ESCO1: variants seen among roughly 807,000 people sequenced by gnomAD.
ESCO1 encodes N-acetyltransferase ESCO1.
ESCO1 carries 33 observed loss-of-function variants against 83.5 expected under a neutral mutation model. That is an observed-to-expected ratio of 0.40 (90% confidence interval 0.30 to 0.53). The LOEUF (loss-of-function observed/expected upper bound fraction) is 0.53. Ranked by LOEUF, ESCO1 falls within the 20% of genes least tolerant of loss-of-function variation. The pLI is 0.63. For synonymous variants in ESCO1, 332 were observed against 324.3 expected (o/e 1.02, Z -0.25); for missense variants, 855 against 968.0 (o/e 0.88, Z 1.55).
intron 9 of ESCO1, among the ~76,000 whole-genome samples, chr18:21,539,661 C>T (rs1386501776): frequency 1.3e-5 from 2 of 152,022 alleles, no homozygotes; most frequent in African/African-American, 4.8e-5. Flanking sequence ...GCCAGCCTGG[C>T]CAATATGGTG....
intron 9 of ESCO1, among the ~76,000 whole-genome samples, chr18:21,538,496 A>G (rs758466891): frequency 8.5e-5 from 13 of 152,180 alleles, no homozygotes; most frequent in Non-Finnish European, 1.8e-4. Context: ...ACTGTTGTCT[A>G]TTCTGTTAGG....
intron 1 of ESCO1, among the ~76,000 whole-genome samples, chr18:21,598,177 A>G (rs2038791689): frequency 6.6e-6 from 1 of 152,212 alleles, no homozygotes; most frequent in African/African-American, 2.4e-5. Context: ...AAAAGTCATG[A>G]AAAAATATTT....
chr18:21,530,660 A>G (rs2037756639), intron 11 of ESCO1, among the ~76,000 whole-genome samples, 170 bp from the exon 12 acceptor site: 1 of 152,218 alleles, frequency 6.6e-6, no homozygotes, highest in Non-Finnish European at 1.5e-5. Flanking sequence ...CATCTATAAT[A>G]TCAATAACCT....
chr18:21,579,728 C>T (rs759423921), intron 2 of ESCO1, among the ~76,000 whole-genome samples: 12 of 150,038 alleles, frequency 8.0e-5, no homozygotes, highest in African/African-American at 1.7e-4. Context: ...GCCGACATCA[C>T]GCCACTCACT....
chr18:21,569,856 G>GA (rs750058923), intron 4 of ESCO1, among the ~76,000 whole-genome samples: 1 of 151,852 alleles, frequency 6.6e-6, no homozygotes, highest in South Asian at 2.1e-4. Context: ...TCTCAAAAAA[G>GA]AAAAAAATAC....
At position 21,529,484 on chromosome 18, in the gene ESCO1, A is replaced by G. The variant is rs2037739495; in HGVS notation, c.*859T>C. 1 of 152,234 alleles carries G rather than the reference A, an allele frequency of 6.6e-6. No individual in the cohort carries two copies. Among genetic ancestry groups the G allele is most frequent in the Admixed American group, 6.5e-5 (1 of 15,280 alleles). 9.4% of individuals were successfully genotyped at this position (152,234 alleles called of 1,614,324 possible). On this transcript the variant is annotated 3_prime_UTR_variant, in exon 12 of 12. Coordinates refer to ENST00000269214, the MANE Select transcript of ESCO1 (RefSeq NM_052911.3). ...ATACTCAGTGCAGTATTTCTGAGGA[A>G]TAACAAAGCAGATACCGAGTCATCC...
At chr18:21,530,904 G>T (rs1445464593) in intron 11 of ESCO1, among the ~76,000 whole-genome samples, 2 of 152,032 alleles carry the variant, frequency 1.3e-5, no homozygotes, top group Non-Finnish European at 2.9e-5. Flanking sequence ...ATGAGGAAAA[G>T]AAATAAAAAT....
At chr18:21,533,266 C>G (rs1232881563) in intron 10 of ESCO1, among the ~76,000 whole-genome samples, 1 of 151,866 alleles carries the variant, frequency 6.6e-6, no homozygotes, top group Non-Finnish European at 1.5e-5. Context: ...CTCTGCCAGT[C>G]TAGCTGCCAA....
intron 1 of ESCO1, among the ~76,000 whole-genome samples, chr18:21,592,025 T>G (rs2038677843): frequency 6.6e-6 from 1 of 151,864 alleles, no homozygotes; most frequent in African/African-American, 2.4e-5. Flanking sequence ...GGCAGAAGAA[T>G]TTTTCTTAGT....
chr18:21,556,674 C>T (rs1351468927), intron 8 of ESCO1, among the ~76,000 whole-genome samples: 3 of 152,078 alleles, frequency 2.0e-5, no homozygotes, highest in Non-Finnish European at 2.9e-5. Context: ...CAGCACAGCT[C>T]TGTAGCCAAT....
In ESCO1 at chr18:21,564,310, G is replaced by T. The variant is rs767012173; in HGVS notation, c.1714C>A (p.Pro572Thr). The T allele has an allele frequency of 1.9e-6, 3 of 1,599,116 alleles. No individual in the cohort carries two copies. In the Admixed American group the frequency reaches 5.1e-5, roughly 27 times the overall value. ...CACTTAGGCAAAGAATGATTTCGTGGTGTCTCCCTTAAAAAAAATAAAATT... is the reference window on the plus strand; with the variant it reads ...CACTTAGGCAAAGAATGATTTCGTGTTGTCTCCCTTAAAAAAAATAAAATT... ...TSKSSDNRET[P>T]RNHSLPKCNS... Residue 572 changes from proline to threonine, a missense_variant, in exon 7 of 12, where the codon CCA (proline) becomes ACA (threonine). Around this residue, in one of 2 missense-constraint regions of ESCO1, gnomAD observed 726 missense variants for 699.5 expected, o/e 1.04. Coordinates refer to ENST00000269214, the MANE Select transcript of ESCO1 (RefSeq NM_052911.3).
intron 1 of ESCO1, among the ~76,000 whole-genome samples, chr18:21,600,367 A>C (rs951148917): frequency 1.3e-4 from 20 of 152,262 alleles, no homozygotes; most frequent in Admixed American, 2.6e-4. Flanking sequence ...ACCGCCCAGC[A>C]AACAGCGGCA....
intron 1 of ESCO1, among the ~76,000 whole-genome samples, chr18:21,593,966 T>C (rs2038723800): frequency 6.6e-6 from 1 of 152,198 alleles, no homozygotes; most frequent in Non-Finnish European, 1.5e-5. Context: ...CTCACCACTA[T>C]TAACATTTTG....
At chr18:21,545,587 A>T (rs2037963480) in intron 8 of ESCO1, among the ~76,000 whole-genome samples, 1 of 151,690 alleles carries the variant, frequency 6.6e-6, no homozygotes, top group African/African-American at 2.4e-5. Context: ...AAAAAAAAAA[A>T]ATTTACTAAA....
chr18:21,595,831 G>A (rs989710401), intron 1 of ESCO1, among the ~76,000 whole-genome samples: 6 of 151,752 alleles, frequency 4.0e-5, no homozygotes, highest in East Asian at 1.9e-4. Flanking sequence ...GGGCATGGTG[G>A]CGGGCGCCTG....
intron 4 of ESCO1, among the ~76,000 whole-genome samples, chr18:21,570,744 C>T (rs953046549): frequency 1.3e-5 from 2 of 151,802 alleles, no homozygotes; most frequent in African/African-American, 4.8e-5. Context: ...TTTGGGAGGC[C>T]GAGTTGGGAG....
At chr18:21,580,951 T>C (rs1490728576) in intron 2 of ESCO1, among the ~76,000 whole-genome samples, 1 of 151,942 alleles carries the variant, frequency 6.6e-6, no homozygotes. Flanking sequence ...GATCGCGCCA[T>C]TGCACTCCAG....
At chr18:21,559,612 C>T (rs1195280602) in intron 8 of ESCO1, among the ~76,000 whole-genome samples, 1 of 152,142 alleles carries the variant, frequency 6.6e-6, no homozygotes, top group Non-Finnish European at 1.5e-5. Flanking sequence ...ACTTCCTCTA[C>T]GAGGTTTGTA....
intron 2 of ESCO1, among the ~76,000 whole-genome samples, chr18:21,580,685 A>AT (rs963062389): frequency 6.6e-6 from 1 of 152,180 alleles, no homozygotes; most frequent in Admixed American, 6.5e-5. Flanking sequence ...GTTTAAAGGA[A>AT]TTTTTTAAAA....
Sources: gnomAD v4.1 joint callset for allele counts (sites outside exome capture counted in the v4.1 genomes callset) on GRCh38, gnomAD v4.1.1 for gene constraint, gnomAD v4.1.1 regional missense constraint, MANE v1.5 for transcripts, NCBI Gene and HGNC (gene_info 2026-07-23, HGNC 2026-07-21) for gene names.